The following COL6A5 variants were observed in gnomAD, a reference collection of about 807,000 sequenced individuals.
COL6A5 encodes collagen type VI alpha 5 chain, also known as collagen alpha-5(VI) chain.
COL6A5 carries 48 observed loss-of-function variants against 65.6 expected under a neutral mutation model. That is an observed-to-expected ratio of 0.73 (90% CI 0.58 to 0.93). The LOEUF is 0.93. Ranked by LOEUF, COL6A5 falls within the 40% of genes least tolerant of loss-of-function variation. The probability of loss-of-function intolerance (pLI) is 0.00; values close to 1 mark genes in which losing one functional copy is unlikely to be tolerated. For synonymous variants in COL6A5, 291 were observed against 322.8 expected, an observed-to-expected ratio of 0.90 and a Z score of 1.05; for missense variants, 914 against 928.3, an observed-to-expected ratio of 0.98 and a Z score of 0.20.
chr3:130,434,787 T>G (rs915790713), intron 1 of COL6A5, among the ~76,000 whole-genome samples: 1 of 152,306 alleles, frequency 6.6e-6, no homozygotes, highest in South Asian at 2.1e-4. Flanking sequence ...TGGGGTTTTT[T>G]GGGTTTTTTT....
chr3:130,370,151 T>C (rs749080185), intron 1 of COL6A5, among the ~76,000 whole-genome samples: 17 of 152,128 alleles, frequency 1.1e-4, no homozygotes, highest in Non-Finnish European at 2.2e-4. Flanking sequence ...AATTTTAGAG[T>C]TAGGAGGAGC....
intron 1 of COL6A5, among the ~76,000 whole-genome samples, chr3:130,352,879 A>G (rs1303808171): frequency 1.3e-5 from 2 of 152,186 alleles, no homozygotes; most frequent in Admixed American, 1.3e-4. Context: ...GCGTTTTACT[A>G]CTTACTAGCT....
exon 8 of COL6A5, chr3:130,484,246 A>G (rs904037259): frequency 1.8e-6 from 1 of 555,396 alleles, no homozygotes; most frequent in Non-Finnish European, 3.1e-6. Flanking sequence ...TGAAGACATC[A>G]GTAAGAAGAC....
intron 7 of COL6A5, among the ~76,000 whole-genome samples, chr3:130,472,508 C>A (rs569352980): frequency 5.2e-4 from 79 of 151,916 alleles, no homozygotes; most frequent in Non-Finnish European, 9.4e-4. Context: ...TCTAGGGCAG[C>A]GATTCACAGT....
chr3:130,369,387 A>G (rs903635079), intron 1 of COL6A5, among the ~76,000 whole-genome samples: 2 of 152,154 alleles, frequency 1.3e-5, no homozygotes, highest in African/African-American at 2.4e-5. Flanking sequence ...CATACTTCCA[A>G]TCTCATGGAT....
rs1001230931 is a variant in COL6A5, at chr3:130,413,549, G to A, written c.4667G>A (p.Arg1556Lys). Reference sequence around the variant, plus strand: ...AGTTTGCCTTTTCTGTCCCAGGGAAGAGAAGGTCAAAGGGGACTCCGAGGT... The same window carrying A: ...AGTTTGCCTTTTCTGTCCCAGGGAAAAGAAGGTCAAAGGGGACTCCGAGGT... The change falls in exon 21 of 42, where the codon AGA (arginine) becomes AAA (lysine). Residue 1556 changes from arginine to lysine, a missense_variant and NMD_transcript_variant. Transcript: ENST00000312481. 5 of 1,548,992 alleles carry A rather than the reference G, an allele frequency of 3.2e-6. 1 individual carries two copies. Among genetic ancestry groups the A allele is most frequent in the East Asian group, 4.9e-5 (2 of 40,904 alleles).
chr3:130,454,652 T>C (rs1709523663), intron 4 of COL6A5, among the ~76,000 whole-genome samples: 1 of 152,210 alleles, frequency 6.6e-6, no homozygotes, highest in African/African-American at 2.4e-5. Context: ...CACAGAGAAC[T>C]CTTAAACTGC....
At chr3:130,426,327 A>T (rs1288791748) in intron 30 of COL6A5, 40 bp from the exon 31 acceptor site, 21 of 1,550,342 alleles carry the variant, frequency 1.4e-5, no homozygotes, top group Non-Finnish European at 4.4e-6. Context: ...AAGTCACTGT[A>T]CTTGCATTTC....
At chr3:130,398,110 A>G in exon 10 of COL6A5, 23 of 1,439,876 alleles carry the variant, frequency 1.6e-5, no homozygotes, top group Non-Finnish European at 2.1e-5. Flanking sequence ...TCAGAGAAGC[A>G]GGTATTGAGT....
chr3:130,417,779 C>G (rs568169737), intron 24 of COL6A5, among the ~76,000 whole-genome samples: 2 of 152,058 alleles, frequency 1.3e-5, no homozygotes, highest in Admixed American at 1.3e-4. Context: ...TGAGAAGAAC[C>G]CCCTGATGAG....
intron 5 of COL6A5, among the ~76,000 whole-genome samples, chr3:130,460,235 A>G (rs1268548161): frequency 6.6e-6 from 1 of 152,128 alleles, no homozygotes; most frequent in East Asian, 1.9e-4. Context: ...TTTTAATAAC[A>G]TGTTTTATGA....
chr3:130,414,791 A>G (rs544153798), intron 22 of COL6A5, among the ~76,000 whole-genome samples: 124 of 152,222 alleles, frequency 8.1e-4, no homozygotes, highest in Non-Finnish European at 1.4e-3. Context: ...GGGCCTGTGT[A>G]GCTGTGCCTA....
intron 7 of COL6A5, 34 bp from the exon 41 acceptor site, chr3:130,484,001 C>T: frequency 6.3e-7 from 1 of 1,593,034 alleles, no homozygotes; most frequent in Non-Finnish European, 8.6e-7. Flanking sequence ...AATACAATGA[C>T]ATTAAAAGCA....
At chr3:130,410,424 T>C in intron 19 of COL6A5, 47 bp from the exon 20 acceptor site, 1 of 1,409,572 alleles carries the variant, frequency 7.1e-7, no homozygotes, top group Non-Finnish European at 9.8e-7. Context: ...TTGTGATTTA[T>C]TCAGAATTTT....
intron 21 of COL6A5, 55 bp from the exon 22 acceptor site, chr3:130,414,014 T>C: frequency 7.6e-7 from 1 of 1,307,250 alleles, no homozygotes; most frequent in Non-Finnish European, 1.1e-6. Flanking sequence ...GAAAAGAAAA[T>C]CTATATGGAA....
chr3:130,431,306 G>C (rs994344570), upstream of COL6A5: 37 of 832,834 alleles, frequency 4.4e-5, 1 homozygote, highest in South Asian at 4.8e-4. Flanking sequence ...TTGCAGGCCA[G>C]ATTTCTTTCC....
intron 1 of COL6A5, among the ~76,000 whole-genome samples, chr3:130,364,863 G>C (rs1255462680): frequency 6.6e-6 from 1 of 152,166 alleles, no homozygotes; most frequent in African/African-American, 2.4e-5. Flanking sequence ...ATTCTGGTCA[G>C]GATTCTTTTT....
chr3:130,469,244 T>A (rs192400960), exon 6 of COL6A5: 2 of 1,613,204 alleles, frequency 1.2e-6, no homozygotes, highest in South Asian at 2.2e-5. Context: ...CTTTGTAATA[T>A]CTGCTGGCGA....
intron 1 of COL6A5, among the ~76,000 whole-genome samples, chr3:130,432,901 A>G (rs957766170): frequency 3.3e-5 from 5 of 152,140 alleles, no homozygotes; most frequent in African/African-American, 4.8e-5. Flanking sequence ...CCTTCCTCCT[A>G]AGAAACTTAA....
Sources: allele counts gnomAD v4.1 joint callset (sites outside exome capture counted in the v4.1 genomes callset), GRCh38; gene constraint gnomAD v4.1.1; transcripts MANE v1.5; gene names NCBI Gene and HGNC (gene_info 2026-07-23, HGNC 2026-07-21).